Variants in HYDIN observed in about 807,000 individuals in gnomAD.
HYDIN encodes axonemal central pair apparatus protein HYDIN.
A neutral mutation model predicts 403.9 loss-of-function variants in HYDIN; 132 were observed. The observed-to-expected ratio is 0.33, with a 90% CI of 0.28 to 0.38. The LOEUF (loss-of-function observed/expected upper bound fraction) is 0.38. Ranked by LOEUF, HYDIN falls within the 10% of genes least tolerant of loss-of-function variation. HYDIN has a pLI of 1.00. For missense variants in HYDIN, 2,827 were observed against 5,009.5 expected, an observed-to-expected ratio of 0.56 and a Z score of 13.15; for synonymous variants, 1,202 against 1,891.7, an observed-to-expected ratio of 0.64 and a Z score of 9.46.
chr16:70,957,357 C>T (rs1372220341), intron 39 of HYDIN, among the ~76,000 whole-genome samples: 121 of 143,632 alleles, frequency 8.4e-4, no homozygotes, highest in African/African-American at 3.0e-3. Context: ...GATGGAGTCT[C>T]GCCCTGTAGC....
At chr16:71,218,092 G>GA (rs962198258) in intron 1 of HYDIN, among the ~76,000 whole-genome samples, 4 of 150,598 alleles carry the variant, frequency 2.7e-5, no homozygotes, top group East Asian at 1.9e-4. Flanking sequence ...TTCTGAATAA[G>GA]AAAAAAAAAG....
chr16:71,204,694 TTTC>T (rs144620843), intron 1 of HYDIN, among the ~76,000 whole-genome samples: 26,538 of 152,172 alleles, frequency 0.17, 2,939 homozygotes, highest in Middle Eastern at 0.37. Flanking sequence ...CAGGGCCATT[TTTC>T]TTCTTTTAGT....
chr16:71,106,374 C>T (rs934380533), intron 10 of HYDIN, among the ~76,000 whole-genome samples: 3 of 140,210 alleles, frequency 2.1e-5, no homozygotes, highest in Non-Finnish European at 4.4e-5. Flanking sequence ...CTCTGGAAAG[C>T]TTTCCTTGAC....
At chr16:71,157,997 G>A (rs998841028) in intron 6 of HYDIN, among the ~76,000 whole-genome samples, 16 of 148,662 alleles carry the variant, frequency 1.1e-4, no homozygotes, top group Admixed American at 4.7e-4. Flanking sequence ...AAGACAAAGA[G>A]GGAAGAGGCT....
At chr16:71,028,417 C>T (rs2080789379) in intron 19 of HYDIN, among the ~76,000 whole-genome samples, 1 of 151,958 alleles carries the variant, frequency 6.6e-6, no homozygotes, top group Admixed American at 6.6e-5. Context: ...AAAGATGTTG[C>T]AATTTCATGT....
intron 18 of HYDIN, among the ~76,000 whole-genome samples, chr16:71,036,583 TG>T (rs1203234900): frequency 1.4e-5 from 2 of 146,178 alleles, no homozygotes; most frequent in African/African-American, 5.1e-5. Context: ...TCAATGGATG[TG>T]TACCATTTCT....
chr16:71,163,310 G>A (rs910288694), intron 5 of HYDIN, among the ~76,000 whole-genome samples: 48 of 151,886 alleles, frequency 3.2e-4, no homozygotes, highest in Non-Finnish European at 4.6e-4. Flanking sequence ...TTTTAGTAGA[G>A]ACGGGGTTTC....
chr16:71,117,046 A>AG (rs1423693450), intron 9 of HYDIN, among the ~76,000 whole-genome samples: 3 of 126,708 alleles, frequency 2.4e-5, no homozygotes, highest in South Asian at 2.9e-4. Flanking sequence ...TACAGCCCAG[A>AG]GGGGTCACAG....
intron 40 of HYDIN, among the ~76,000 whole-genome samples, 188 bp downstream of exon 40, chr16:70,955,187 C>A (rs1047756174): frequency 3.4e-4 from 51 of 152,122 alleles, no homozygotes; most frequent in African/African-American, 1.2e-3. Flanking sequence ...TGGCATTGGG[C>A]AGGGCAGGAG....
chr16:71,022,477 G>T (rs879265253), intron 21 of HYDIN, among the ~76,000 whole-genome samples: 4 of 152,174 alleles, frequency 2.6e-5, no homozygotes, highest in Non-Finnish European at 5.9e-5. Flanking sequence ...AACAGCTATA[G>T]AAAAATTCTT....
intron 1 of HYDIN, among the ~76,000 whole-genome samples, chr16:71,227,327 G>C (rs1052928356): frequency 8.5e-5 from 13 of 152,094 alleles, no homozygotes; most frequent in African/African-American, 2.2e-4. Context: ...CCACTACACA[G>C]CTATAAGAAT....
chr16:71,092,373 G>A (rs1251065868), intron 11 of HYDIN, among the ~76,000 whole-genome samples: 1 of 152,192 alleles, frequency 6.6e-6, no homozygotes, highest in African/African-American at 2.4e-5. Context: ...CTGCTCACTA[G>A]AAACCTTTGT....
intron 1 of HYDIN, among the ~76,000 whole-genome samples, chr16:71,205,459 T>C (rs920211184): frequency 7.2e-5 from 11 of 152,140 alleles, no homozygotes; most frequent in East Asian, 1.9e-4. Flanking sequence ...CCAACACTTA[T>C]AGAATGAGGC....
At chr16:71,224,559 C>CTTTTTTTTTTTTTT (rs34595246) in intron 1 of HYDIN, among the ~76,000 whole-genome samples, 1 of 117,388 alleles carries the variant, frequency 8.5e-6, no homozygotes, top group Non-Finnish European at 1.8e-5. Context: ...TAAGGTTTTT[C>CTTTTTTTTTTTTTT]TTTTTTTTTT....
chr16:70,886,741 T>C (rs956851554), intron 58 of HYDIN, among the ~76,000 whole-genome samples: 2 of 152,222 alleles, frequency 1.3e-5, no homozygotes, highest in Non-Finnish European at 1.5e-5. Context: ...ATTGTGCCAC[T>C]TTCTTTTGGG....
At chr16:71,210,479 G>T (rs1235580704) in intron 1 of HYDIN, among the ~76,000 whole-genome samples, 2 of 151,792 alleles carry the variant, frequency 1.3e-5, no homozygotes, top group East Asian at 3.9e-4. Context: ...AGAAAGAGGG[G>T]AACAACAGAC....
At chr16:71,184,821 T>G (rs759892250) in intron 3 of HYDIN, 44 bp downstream of exon 3, 1 of 1,520,552 alleles carries the variant, frequency 6.6e-7, no homozygotes, top group Non-Finnish European at 8.9e-7. Context: ...TTTGGTGTTG[T>G]GCCAGGGCCC....
At chr16:70,905,004 T>C (rs1208106989) in intron 50 of HYDIN, among the ~76,000 whole-genome samples, 4 of 151,842 alleles carry the variant, frequency 2.6e-5, no homozygotes, top group Non-Finnish European at 4.4e-5. Flanking sequence ...ACTCAGTTAA[T>C]AGTAACTGAG....
intron 5 of HYDIN, among the ~76,000 whole-genome samples, chr16:71,163,819 T>C (rs893564801): frequency 3.3e-5 from 5 of 152,234 alleles, no homozygotes; most frequent in Non-Finnish European, 7.3e-5. Context: ...TGAGCAATAA[T>C]AAGTGCTTAT....
Sources: gnomAD v4.1 joint callset for allele counts (sites outside exome capture counted in the v4.1 genomes callset) on GRCh38, gnomAD v4.1.1 for gene constraint, MANE v1.5 for transcripts, NCBI Gene and HGNC (gene_info 2026-07-23, HGNC 2026-07-21) for gene names.